BAZ2B: variants seen among roughly 807,000 people sequenced by gnomAD.
The protein encoded by BAZ2B is bromodomain adjacent to zinc finger domain 2B.
In BAZ2B, 91 loss-of-function variants were observed where a neutral mutation model predicts 246.0. The observed-to-expected ratio is 0.37, with a 90% confidence interval of 0.31 to 0.44. The LOEUF (loss-of-function observed/expected upper bound fraction) is 0.44. BAZ2B is among the 20% of genes least tolerant of loss of function. The pLI, the probability that BAZ2B is intolerant of heterozygous loss-of-function variation, is 1.00. For synonymous variants in BAZ2B, 855 were observed against 860.0 expected (o/e 0.99, Z 0.10); for missense variants, 2,332 against 2,533.7 (o/e 0.92, Z 1.71).
At chr2:159,573,164 T>C (rs1366528951) in intron 1 of BAZ2B, among the ~76,000 whole-genome samples, 1 of 152,140 alleles carries the variant, frequency 6.6e-6, no homozygotes, top group African/African-American at 2.4e-5. Flanking sequence ...TAAAATAGCA[T>C]GAAAAGTTAA....
intron 8 of BAZ2B, chr2:159,437,525 C>G (rs935062946): frequency 6.6e-6 from 1 of 152,006 alleles, no homozygotes; most frequent in African/African-American, 2.4e-5. Context: ...ACCACCATGT[C>G]TGGCCAGAAA....
intron 7 of BAZ2B, 119 bp downstream of exon 7, chr2:159,438,890 A>G (rs1412858736): frequency 1.6e-6 from 2 of 1,272,492 alleles, no homozygotes; most frequent in Non-Finnish European, 1.1e-6. Context: ...TTTCTTGGGC[A>G]AAAGTATGAA....
At chr2:159,427,148 AG>A (rs2070081958) in intron 13 of BAZ2B, among the ~76,000 whole-genome samples, 3 of 152,176 alleles carry the variant, frequency 2.0e-5, no homozygotes, top group Admixed American at 2.0e-4. Context: ...CAGAATTACA[AG>A]AGTATTTCAC....
chr2:159,501,375 C>T lies in BAZ2B; in HGVS notation c.-2-22654G>A, dbSNP rs148679501. 2.8e-3 allele frequency among the ~76,000 whole-genome samples: 406 copies of T among 147,282 alleles called. 2 individuals carry two copies. Among genetic ancestry groups the T allele is most frequent in the African/African-American group, 9.5e-3 (381 of 39,956 alleles). On this transcript the variant is annotated intron_variant, in intron 2 of 36. Transcript: ENST00000392783. Reference sequence around the variant, plus strand: ...ATGCCATGCACTCCAGCCTGGGTGACGGAGTGAGATACTGTGTCAAATTCA... The same window carrying T: ...ATGCCATGCACTCCAGCCTGGGTGATGGAGTGAGATACTGTGTCAAATTCA...
At chr2:159,658,365 G>A in the BAZ2B span, among the ~76,000 whole-genome samples, 22 of 152,074 alleles carry the variant, frequency 1.4e-4, 1 homozygote, top group East Asian at 3.1e-3. Context: ...ACTGGGTCTC[G>A]CTGTGTCACC....
chr2:159,328,070 G>C (rs12996691), intron 34 of BAZ2B, among the ~76,000 whole-genome samples: 3 of 49,544 alleles, frequency 6.1e-5, no homozygotes, highest in African/African-American at 1.2e-4. Flanking sequence ...GCCTCAAAAC[G>C]AAAAAAAAAA....
chr2:159,662,065 C>G, the BAZ2B span, among the ~76,000 whole-genome samples: 1 of 152,208 alleles, frequency 6.6e-6, no homozygotes, highest in Non-Finnish European at 1.5e-5. Context: ...TTTACCTATT[C>G]TGGATATTGC....
the BAZ2B span, among the ~76,000 whole-genome samples, chr2:159,666,327 T>C: frequency 6.6e-6 from 1 of 151,180 alleles, no homozygotes; most frequent in African/African-American, 2.4e-5. Context: ...TGGCCCAATT[T>C]TAGCTCACTG....
At chr2:159,546,028 T>C (rs193064911) in intron 2 of BAZ2B, among the ~76,000 whole-genome samples, 11 of 152,358 alleles carry the variant, frequency 7.2e-5, no homozygotes, top group African/African-American at 2.4e-4. Flanking sequence ...GTTAGTATCA[T>C]ACAATGTTTT....
At chr2:159,674,420 A>C in the BAZ2B span, among the ~76,000 whole-genome samples, 11,001 of 151,798 alleles carry the variant, frequency 0.072, 517 homozygotes, top group East Asian at 0.14. Flanking sequence ...AAAAGAAAAG[A>C]AAAAAGAATG....
At chr2:159,682,786 CCT>C in the BAZ2B span, among the ~76,000 whole-genome samples, 2 of 152,108 alleles carry the variant, frequency 1.3e-5, no homozygotes, top group African/African-American at 2.4e-5. Flanking sequence ...TCTGCAATTT[CCT>C]CTGTTTTCTT....
chr2:159,606,870 T>C (rs923731525), intron 1 of BAZ2B, among the ~76,000 whole-genome samples: 8 of 151,928 alleles, frequency 5.3e-5, no homozygotes, highest in African/African-American at 1.9e-4. Flanking sequence ...ATTTGTGTTT[T>C]GAAAATTTTT....
chr2:159,466,513 C>T (rs2077068933), intron 3 of BAZ2B, among the ~76,000 whole-genome samples: 1 of 152,050 alleles, frequency 6.6e-6, no homozygotes, highest in Admixed American at 6.5e-5. Context: ...ACCAAATGTC[C>T]AATTCTAAAT....
intron 5 of BAZ2B, among the ~76,000 whole-genome samples, chr2:159,447,192 A>AG (rs66728340): frequency 0.088 from 13,423 of 152,186 alleles, 761 homozygotes; most frequent in Middle Eastern, 0.18. Flanking sequence ...GCTGAGAGAG[A>AG]GGGGAATGGG....
chr2:159,608,800 C>T (rs1694088178), intron 1 of BAZ2B, among the ~76,000 whole-genome samples: 1 of 152,136 alleles, frequency 6.6e-6, no homozygotes, highest in Non-Finnish European at 1.5e-5. Context: ...AGCCTACTAT[C>T]AGCTGGATTA....
intron 3 of BAZ2B, among the ~76,000 whole-genome samples, chr2:159,469,398 T>C (rs2150764829): frequency 6.6e-6 from 1 of 152,152 alleles, no homozygotes; most frequent in South Asian, 2.1e-4. Flanking sequence ...GAAAAAGATA[T>C]CCTGAATTGT....
At chr2:159,547,952 C>T (rs936223240) in intron 2 of BAZ2B, among the ~76,000 whole-genome samples, 2 of 152,124 alleles carry the variant, frequency 1.3e-5, no homozygotes, top group African/African-American at 2.4e-5. Flanking sequence ...GCCACTCATA[C>T]AGAGAACATC....
At chr2:159,496,927 G>A (rs1340998962) in intron 2 of BAZ2B, among the ~76,000 whole-genome samples, 1 of 151,764 alleles carries the variant, frequency 6.6e-6, no homozygotes, top group South Asian at 2.1e-4. Flanking sequence ...GAAATAGGTG[G>A]TGTATTATTT....
At chr2:159,421,263 C>T (rs530675005) in intron 13 of BAZ2B, among the ~76,000 whole-genome samples, 2 of 151,754 alleles carry the variant, frequency 1.3e-5, no homozygotes, top group South Asian at 2.1e-4. Context: ...TAGTCTCAAA[C>T]TCGTGGGCTA....
Sources: gnomAD v4.1 joint callset for allele counts (sites outside exome capture counted in the v4.1 genomes callset) on GRCh38, gnomAD v4.1.1 for gene constraint, MANE v1.5 for transcripts, NCBI Gene and HGNC (gene_info 2026-07-23, HGNC 2026-07-21) for gene names.